DOK5: variants seen among roughly 807,000 people sequenced by gnomAD.
DOK5 encodes docking protein 5, also known as downstream of tyrosine kinase 5.
In DOK5, 27 loss-of-function variants were observed where a neutral mutation model predicts 43.3. That is an observed-to-expected ratio of 0.62 (90% CI 0.46 to 0.86). The LOEUF is 0.86. Among genes scored for constraint, DOK5 ranks in the 40% least tolerant of loss-of-function variants. The pLI is 0.00. For missense variants in DOK5, 373 were observed against 392.9 expected (o/e 0.95, Z 0.43); for synonymous variants, 146 against 140.1 (o/e 1.04, Z -0.30).
chr20:54,580,385 T>C (rs949091555), intron 2 of DOK5, among the ~76,000 whole-genome samples: 3 of 151,768 alleles, frequency 2.0e-5, no homozygotes, highest in Non-Finnish European at 4.4e-5. Flanking sequence ...TACTGAATCA[T>C]ATAGTAGTTC....
chr20:54,514,033 C>T (rs1983104809), intron 1 of DOK5, among the ~76,000 whole-genome samples: 1 of 152,144 alleles, frequency 6.6e-6, no homozygotes, highest in Non-Finnish European at 1.5e-5. Flanking sequence ...TTTTTGTACT[C>T]ATTGTGCACT....
chr20:54,553,722 C>T (rs941033393), intron 1 of DOK5, among the ~76,000 whole-genome samples: 8 of 150,478 alleles, frequency 5.3e-5, no homozygotes, highest in African/African-American at 1.9e-4. Flanking sequence ...TGGTGAAACC[C>T]GGTCTCTACT....
chr20:54,515,211 C>T (rs1482375591), intron 1 of DOK5, among the ~76,000 whole-genome samples: 2 of 152,148 alleles, frequency 1.3e-5, no homozygotes, highest in Non-Finnish European at 2.9e-5. Flanking sequence ...GGGGGTTTCA[C>T]TATGTTGGCC....
intron 2 of DOK5, among the ~76,000 whole-genome samples, chr20:54,564,351 A>C (rs901106956): frequency 6.6e-6 from 1 of 152,192 alleles, no homozygotes; most frequent in Non-Finnish European, 1.5e-5. Flanking sequence ...GAATGGCATG[A>C]ACCTGGGACG....
chr20:54,576,713 G>A (rs976778572), intron 2 of DOK5, among the ~76,000 whole-genome samples: 6 of 152,164 alleles, frequency 3.9e-5, no homozygotes, highest in African/African-American at 7.2e-5. Context: ...GGCAGCCTGC[G>A]TGGGCTTTAA....
Position 54,643,561 on chromosome 20 carries a change from A to C in DOK5, c.839A>C (p.Gln280Pro). The change falls in exon 7 of 8, where the codon CAG (glutamine) becomes CCG (proline). Residue 280 changes from glutamine to proline, a missense_variant. Coordinates refer to ENST00000262593, the MANE Select transcript of DOK5 (RefSeq NM_018431.5). The stretch of plus-strand genomic sequence containing the variant: ...ATCACACGGCAGCACAGCACGGGAC[A>C]GCTCTACCGCTTGCAAGGTAAGCGT... Reference protein sequence around the residue: ...QHITRQHSTGQLYRLQDVSSP... With the variant: ...QHITRQHSTGPLYRLQDVSSP... 1 of 1,613,000 alleles carries C rather than the reference A, an allele frequency of 6.2e-7. No homozygotes were observed. The highest frequency in any genetic ancestry group is 2.2e-5 in the East Asian group (1 of 44,864).
At position 54,519,476 on chromosome 20, in the gene DOK5, AT is replaced by A. The variant is rs1259564811; in HGVS notation, c.67-35456del. Among the ~76,000 whole-genome samples the A allele has an allele frequency of 3.9e-5, 6 of 152,314 alleles. No homozygotes were observed. The East Asian group carries it at 7.7e-4, about 20-fold the overall frequency. ...ATGATGAAATGGTTTATTCTCCTCT[AT>A]AAGGATGCAAAAGTTACTATTGCCC... On this transcript the variant is annotated intron_variant, in intron 1 of 7. Coordinates refer to ENST00000262593, the MANE Select transcript of DOK5 (RefSeq NM_018431.5).
chr20:54,638,158 A>C (rs531295598), intron 6 of DOK5, among the ~76,000 whole-genome samples: 23 of 151,356 alleles, frequency 1.5e-4, no homozygotes, highest in Non-Finnish European at 2.8e-4. Context: ...ACTTTTCAGC[A>C]GTTCATGGTC....
intron 6 of DOK5, among the ~76,000 whole-genome samples, chr20:54,612,617 G>T (rs1044975457): frequency 1.3e-5 from 2 of 152,214 alleles, no homozygotes; most frequent in Non-Finnish European, 2.9e-5. Flanking sequence ...GTGGTCTTGA[G>T]TTGGGACATT....
At chr20:54,502,291 A>G (rs889807904) in intron 1 of DOK5, among the ~76,000 whole-genome samples, 2 of 152,196 alleles carry the variant, frequency 1.3e-5, no homozygotes, top group African/African-American at 4.8e-5. Context: ...CTTTTCATTG[A>G]GTATCTTCTA....
At position 54,475,885 on chromosome 20, in the gene DOK5, C is replaced by T; in HGVS notation, c.-62C>T. On this transcript the variant is annotated 5_prime_UTR_variant, in exon 1 of 8. Coordinates refer to ENST00000262593, the MANE Select transcript of DOK5 (RefSeq NM_018431.5). This position sits in a 1 kb window ranked among gnomAD's most constrained non-coding sequence, Gnocchi z 4.2. ...TGCTTGTCTTGACCCTGCCCTCCAC[C>T]CTCCCCAGAGCCACTTCGGGTGCGC... 2 of 1,598,234 alleles carry T rather than the reference C, an allele frequency of 1.3e-6. No individual in the cohort carries two copies. The highest frequency in any genetic ancestry group is 2.2e-5 in the East Asian group (1 of 44,512).
chr20:54,610,323 GAT>G, intron 5 of DOK5, 63 bp from the exon 6 acceptor site: 10 of 1,415,206 alleles, frequency 7.1e-6, no homozygotes, highest in Non-Finnish European at 9.3e-6. Flanking sequence ...AGTATGCCAG[GAT>G]CTTGGTGCAT....
At chr20:54,532,852 C>T (rs1445711422) in intron 1 of DOK5, among the ~76,000 whole-genome samples, 5 of 152,132 alleles carry the variant, frequency 3.3e-5, no homozygotes, top group African/African-American at 4.8e-5. Flanking sequence ...AATTGTGCTA[C>T]CTAAGTTTGA....
At chr20:54,614,185 C>G (rs891047337) in intron 6 of DOK5, among the ~76,000 whole-genome samples, 7 of 152,118 alleles carry the variant, frequency 4.6e-5, no homozygotes, top group African/African-American at 1.7e-4. Flanking sequence ...GAATCAAAGT[C>G]TGAGAATGCT....
In DOK5 at chr20:54,582,927, T is replaced by A. The variant is rs1838203139; in HGVS notation, c.175-5556T>A. Among the ~76,000 whole-genome samples, 3 of 152,048 alleles carry A rather than the reference T, an allele frequency of 2.0e-5. No individual in the cohort carries two copies. In the South Asian group the frequency reaches 6.2e-4, roughly 31 times the overall value. On this transcript the variant is annotated intron_variant, in intron 2 of 7. Coordinates refer to ENST00000262593, the MANE Select transcript of DOK5 (RefSeq NM_018431.5). ...TCTTATTATTTTGGGCATAGTTTGC[T>A]CTGTTTCTAGTTCCTTGGGGTGTAA...
intron 5 of DOK5, among the ~76,000 whole-genome samples, chr20:54,595,898 T>C (rs1986126389): frequency 6.6e-6 from 1 of 152,206 alleles, no homozygotes; most frequent in African/African-American, 2.4e-5. Context: ...TTCTTAACTT[T>C]CCTTGTAAGT....
intron 6 of DOK5, among the ~76,000 whole-genome samples, chr20:54,619,390 A>T (rs1986915101): frequency 6.6e-6 from 1 of 152,034 alleles, no homozygotes; most frequent in African/African-American, 2.4e-5. Flanking sequence ...GCCACCTTTG[A>T]GATCAGTGTC....
rs1338098947 is a variant in DOK5, at chr20:54,475,759, C to T, written c.-188C>T. The stretch of plus-strand genomic sequence containing the variant: ...CGAAAGTGGCTGCAAGCCGGCCGCC[C>T]ACTGTCAGGGTTGGGGGGACAGAGA... On this transcript the variant is annotated 5_prime_UTR_variant, in exon 1 of 8. Transcript: ENST00000262593. The surrounding 1 kb of genome is among the most constrained non-coding windows in gnomAD (Gnocchi z 4.2). The T allele has an allele frequency of 2.8e-6, 2 of 709,998 alleles. No homozygotes were observed. Among genetic ancestry groups the T allele is most frequent in the Non-Finnish European group, 4.5e-6 (2 of 440,738 alleles). 44.0% of individuals were successfully genotyped at this position (709,998 alleles called of 1,614,324 possible).
chr20:54,515,167 C>T (rs1039782954), intron 1 of DOK5, among the ~76,000 whole-genome samples: 1 of 152,016 alleles, frequency 6.6e-6, no homozygotes, highest in African/African-American at 2.4e-5. Flanking sequence ...CCCGCCACCA[C>T]ACCCAGCTAA....
Sources: gnomAD v4.1 joint callset for allele counts (sites outside exome capture counted in the v4.1 genomes callset) on GRCh38, gnomAD v4.1.1 for gene constraint, Gnocchi (gnomAD v3.1) non-coding constraint, MANE v1.5 for transcripts, NCBI Gene and HGNC (gene_info 2026-07-23, HGNC 2026-07-21) for gene names.